The following MYT1L variants were observed in gnomAD, a reference collection of about 807,000 sequenced individuals.
MYT1L encodes the protein myelin transcription factor 1 like.
Under a neutral mutation model 126.7 loss-of-function variants are expected in MYT1L, and 12 were observed. The ratio of observed to expected loss-of-function variants is 0.09; its 90% CI spans 0.06 to 0.15. MYT1L has a LOEUF of 0.15. MYT1L is among the 10% of genes least tolerant of loss of function. MYT1L has a pLI of 1.00. For missense variants in MYT1L, 979 were observed against 1,585.2 expected (o/e 0.62, Z 6.49); for synonymous variants, 541 against 604.2 (o/e 0.90, Z 1.53).
chr2:2,018,666 C>T (rs886344462), intron 4 of MYT1L, among the ~76,000 whole-genome samples: 2 of 152,204 alleles, frequency 1.3e-5, no homozygotes, highest in African/African-American at 4.8e-5. Flanking sequence ...CTCAAACCCT[C>T]AGGAAGTAGC....
intron 2 of MYT1L, among the ~76,000 whole-genome samples, chr2:2,250,601 T>C (rs1402976306): frequency 1.3e-5 from 2 of 149,598 alleles, no homozygotes; most frequent in Non-Finnish European, 3.0e-5. Context: ...AGTTATTTGA[T>C]AGCACAACAA....
chr2:1,859,876 C>T (rs942169205), intron 18 of MYT1L, among the ~76,000 whole-genome samples: 9 of 152,188 alleles, frequency 5.9e-5, no homozygotes, highest in Admixed American at 1.3e-4. Flanking sequence ...AAAGGGGACC[C>T]GGGCCGCGCT....
At chr2:2,158,918 C>T (rs200801170) in intron 3 of MYT1L, among the ~76,000 whole-genome samples, 7 of 152,146 alleles carry the variant, frequency 4.6e-5, no homozygotes, top group Non-Finnish European at 7.3e-5. Flanking sequence ...TCCAGGGCCT[C>T]GTGCCATTTG....
chr2:1,891,381 C>G (rs921566726), intron 15 of MYT1L, among the ~76,000 whole-genome samples: 1 of 152,188 alleles, frequency 6.6e-6, no homozygotes, highest in African/African-American at 2.4e-5. Context: ...GTGGCCTCGG[C>G]GAGGCAGCTG....
intron 2 of MYT1L, among the ~76,000 whole-genome samples, chr2:2,259,416 A>G (rs2094903256): frequency 6.6e-6 from 1 of 151,914 alleles, no homozygotes; most frequent in Non-Finnish European, 1.5e-5. Flanking sequence ...CATTAAAAAA[A>G]AAAATGGAAC....
intron 3 of MYT1L, among the ~76,000 whole-genome samples, chr2:2,075,210 G>C (rs1185073350): frequency 6.6e-6 from 1 of 152,196 alleles, no homozygotes; most frequent in Non-Finnish European, 1.5e-5. Flanking sequence ...ATGGTGATCG[G>C]CCTTTTTGGG....
intron 9 of MYT1L, among the ~76,000 whole-genome samples, chr2:1,932,128 GT>G (rs1466607731): frequency 1.3e-5 from 2 of 152,198 alleles, no homozygotes; most frequent in Non-Finnish European, 2.9e-5. Flanking sequence ...ACTGGCTCAG[GT>G]TTTGGAAGAT....
At chr2:2,236,804 TCTTCTTC>T (rs746294418) in intron 2 of MYT1L, among the ~76,000 whole-genome samples, 271 of 20,264 alleles carry the variant, frequency 0.013, no homozygotes, top group African/African-American at 0.016. Flanking sequence ...TTCTTCTTCT[TCTTCTTC>T]TTCTTTTTTT....
chr2:2,208,831 A>T (rs1230360181), intron 2 of MYT1L, among the ~76,000 whole-genome samples: 1 of 152,222 alleles, frequency 6.6e-6, no homozygotes, highest in Admixed American at 6.5e-5. Flanking sequence ...CATTTACCTA[A>T]AATAGAAAAA....
At chr2:1,969,765 G>T (rs2059668388) in intron 8 of MYT1L, among the ~76,000 whole-genome samples, 1 of 152,218 alleles carries the variant, frequency 6.6e-6, no homozygotes, top group Non-Finnish European at 1.5e-5. Flanking sequence ...GAGGGCAGCT[G>T]TCCAGCCAGG....
At chr2:2,028,762 C>T (rs529271522) in intron 4 of MYT1L, among the ~76,000 whole-genome samples, 1 of 152,196 alleles carries the variant, frequency 6.6e-6, no homozygotes, top group East Asian at 1.9e-4. Flanking sequence ...ATCCTGTGTG[C>T]CAGGAACTAG....
At chr2:1,895,753 A>C (rs754463820) in intron 14 of MYT1L, among the ~76,000 whole-genome samples, 1 of 152,228 alleles carries the variant, frequency 6.6e-6, no homozygotes, top group Non-Finnish European at 1.5e-5. Flanking sequence ...AACCTAGGAA[A>C]TACCCTTTTC....
chr2:1,979,406 A>T lies in MYT1L; in HGVS notation c.89+115T>A. On this transcript the variant is annotated intron_variant, in intron 7 of 24. Transcript: ENST00000647738. This position sits in a 1 kb window ranked among gnomAD's most constrained non-coding sequence, Gnocchi z 4.0. Reference sequence around the variant, plus strand: ...AAGTCTCGGGGGAATTAATTTCATCAGTGCAGCAGGGCGTGAGCAAGCTGC... The same window carrying T: ...AAGTCTCGGGGGAATTAATTTCATCTGTGCAGCAGGGCGTGAGCAAGCTGC... 1 of 1,159,696 alleles carries T rather than the reference A, an allele frequency of 8.6e-7. No individual in the cohort carries two copies. The highest frequency in any genetic ancestry group is 1.3e-6 in the Non-Finnish European group (1 of 771,986). 71.8% of individuals were successfully genotyped at this position (1,159,696 alleles called of 1,614,324 possible). A position where few individuals can be genotyped will look rare whatever the true frequency, so the allele number is the denominator to read the frequency against.
intron 3 of MYT1L, among the ~76,000 whole-genome samples, chr2:2,160,173 C>T (rs964425820): frequency 6.6e-6 from 1 of 152,182 alleles, no homozygotes; most frequent in Admixed American, 6.5e-5. Flanking sequence ...TTCTGACTTT[C>T]ATCATCGTGA....
intron 4 of MYT1L, among the ~76,000 whole-genome samples, chr2:2,006,470 T>A (rs976830241): frequency 1.3e-5 from 2 of 152,212 alleles, no homozygotes; most frequent in Non-Finnish European, 2.9e-5. Context: ...CTAGACTTGA[T>A]CATCCCACAT....
intron 1 of MYT1L, among the ~76,000 whole-genome samples, chr2:2,291,783 C>T (rs1417814391): frequency 6.6e-6 from 1 of 152,224 alleles, no homozygotes; most frequent in Non-Finnish European, 1.5e-5. Context: ...CCCCCAGGTG[C>T]CAGCTCTTGC....
In MYT1L at chr2:2,284,392, C is replaced by T. The variant is rs1358226506; in HGVS notation, c.-421+12G>A. On this transcript the variant is annotated intron_variant, in intron 2 of 24. Transcript: ENST00000647738. ...CTAATACAACGGTAAGGTCCCATTGCAATTCACATACCACACGCTGTGATC... is the reference window on the plus strand; with the variant it reads ...CTAATACAACGGTAAGGTCCCATTGTAATTCACATACCACACGCTGTGATC... 6.6e-6 allele frequency: 1 copy of T among 152,246 alleles called. No homozygotes were observed. The highest frequency in any genetic ancestry group is 1.5e-5 in the Non-Finnish European group (1 of 68,078). 9.4% of individuals were successfully genotyped at this position (152,246 alleles called of 1,614,324 possible).
intron 4 of MYT1L, among the ~76,000 whole-genome samples, chr2:1,999,558 A>G (rs1209861856): frequency 6.6e-6 from 1 of 152,192 alleles, no homozygotes; most frequent in East Asian, 1.9e-4. Context: ...ATAAAAATGT[A>G]TTTTTGCATA....
chr2:1,813,278 C>T (rs2036993902), intron 21 of MYT1L, among the ~76,000 whole-genome samples: 1 of 143,628 alleles, frequency 7.0e-6, no homozygotes, highest in African/African-American at 2.6e-5. Flanking sequence ...CCTCCCTTCT[C>T]TTCATCACTT....
Sources: allele counts gnomAD v4.1 joint callset (sites outside exome capture counted in the v4.1 genomes callset), GRCh38; gene constraint gnomAD v4.1.1; non-coding constraint Gnocchi (gnomAD v3.1); transcripts MANE v1.5; gene names NCBI Gene and HGNC (gene_info 2026-07-23, HGNC 2026-07-21).